Variants in FLNB observed in about 807,000 individuals in gnomAD.
The protein encoded by FLNB is filamin B.
Under a neutral mutation model 250.6 loss-of-function variants are expected in FLNB, and 111 were observed. The ratio of observed to expected loss-of-function variants is 0.44; its 90% CI spans 0.38 to 0.52. The LOEUF is 0.52. Ranked by LOEUF, FLNB falls within the 20% of genes least tolerant of loss-of-function variation. The pLI, the probability that FLNB is intolerant of heterozygous loss-of-function variation, is 0.00. For synonymous variants in FLNB, 1,302 were observed against 1,372.1 expected (o/e 0.95, Z 1.13); for missense variants, 2,869 against 3,447.8 (o/e 0.83, Z 4.20).
At chr3:58,039,066 C>T (rs2097142393) in intron 1 of FLNB, among the ~76,000 whole-genome samples, 2 of 146,752 alleles carry the variant, frequency 1.4e-5, no homozygotes, top group Admixed American at 6.8e-5. Context: ...CTCGCTCTGT[C>T]ACCCCGGCTG....
intron 1 of FLNB, among the ~76,000 whole-genome samples, chr3:58,075,208 TG>T (rs529877962): frequency 3.6e-4 from 55 of 152,132 alleles, no homozygotes; most frequent in African/African-American, 1.3e-3. Flanking sequence ...AGGTGGCTCT[TG>T]GTGGGTGGCT....
intron 19 of FLNB, among the ~76,000 whole-genome samples, chr3:58,119,304 C>T (rs961374584): frequency 6.6e-6 from 1 of 152,034 alleles, no homozygotes; most frequent in Non-Finnish European, 1.5e-5. Flanking sequence ...CGTAGTCAGC[C>T]CCCTGGCATT....
intron 2 of FLNB, chr3:58,078,507 A>C (rs757903126): frequency 6.5e-7 from 1 of 1,536,290 alleles, no homozygotes; most frequent in African/African-American, 1.4e-5. Context: ...TAGCACCCGG[A>C]GGAGAAGTCT....
chr3:58,103,857 T>G, intron 9 of FLNB, 102 bp from the exon 10 acceptor site: 1 of 1,402,044 alleles, frequency 7.1e-7, no homozygotes, highest in Non-Finnish European at 1.0e-6. Context: ...TTATGTATGG[T>G]TTATGTTTTG....
At chr3:58,074,083 T>A (rs1237517074) in intron 1 of FLNB, among the ~76,000 whole-genome samples, 1 of 152,108 alleles carries the variant, frequency 6.6e-6, no homozygotes, top group Admixed American at 6.6e-5. Context: ...TTCCCCACAC[T>A]CAGGAAGAAC....
chr3:58,096,075 C>A, intron 5 of FLNB, 66 bp from the exon 6 acceptor site: 1 of 1,282,518 alleles, frequency 7.8e-7, no homozygotes. Flanking sequence ...AGAACCCCTG[C>A]TGACACAGCA....
intron 1 of FLNB, among the ~76,000 whole-genome samples, chr3:58,075,663 C>T (rs768143742): frequency 1.3e-5 from 2 of 152,034 alleles, no homozygotes; most frequent in Non-Finnish European, 2.9e-5. Context: ...AACAGTGATT[C>T]GGCTTCAAGG....
intron 41 of FLNB, among the ~76,000 whole-genome samples, chr3:58,159,107 T>A (rs868669121): frequency 7.2e-5 from 11 of 152,214 alleles, no homozygotes; most frequent in Middle Eastern, 6.8e-3. Context: ...TTATAATATG[T>A]TCCTCCAGGT....
At chr3:58,031,640 C>CG (rs2097131284) in intron 1 of FLNB, among the ~76,000 whole-genome samples, 1 of 149,210 alleles carries the variant, frequency 6.7e-6, no homozygotes, top group Admixed American at 6.7e-5. Context: ...CAGCTTCCAC[C>CG]TCCCAGGCTC....
rs2107343520 is a variant in FLNB, at chr3:58,169,459, T to A, written c.7418-131T>A. On this transcript the variant is annotated intron_variant, in intron 44 of 45. Transcript: ENST00000295956. The surrounding 1 kb of genome is among the most constrained non-coding windows in gnomAD (Gnocchi z 4.8). ...AGACATTATGGGTGTGAGATACAGG[T>A]GTGGTGGCTTTTGTGTTGGGGTGCG... 2 of 747,164 alleles carry A rather than the reference T, an allele frequency of 2.7e-6. No individual in the cohort carries two copies. Among genetic ancestry groups the A allele is most frequent in the East Asian group, 5.0e-5 (2 of 40,208 alleles). 46.3% of individuals were successfully genotyped at this position (747,164 alleles called of 1,614,324 possible). A position where few individuals can be genotyped will look rare whatever the true frequency, so the allele number is the denominator to read the frequency against.
intron 4 of FLNB, among the ~76,000 whole-genome samples, chr3:58,092,990 G>A (rs839223): frequency 0.93 from 141,052 of 152,244 alleles, 65,490 homozygotes; most frequent in East Asian, 1. Flanking sequence ...TTAAGGGCTC[G>A]GTCCCTCAAA....
At chr3:58,083,177 A>C (rs2097211616) in intron 4 of FLNB, among the ~76,000 whole-genome samples, 1 of 150,792 alleles carries the variant, frequency 6.6e-6, no homozygotes. Context: ...ATTAAGGTTC[A>C]CTTACTACAT....
Position 58,123,151 on chromosome 3 carries a change from C to T in FLNB, c.3185C>T (p.Thr1062Ile), listed in dbSNP as rs199513147. The T allele has an allele frequency of 9.3e-5, 150 of 1,614,194 alleles. 1 individual carries two copies. The highest frequency in any genetic ancestry group is 4.2e-6 in the Non-Finnish European group (5 of 1,180,022). Reference sequence around the variant, plus strand: ...CTCGTGGGCAAGCCTGCCGAGTTCACCATCGATACCAAAGGAGCTGGTACT... The same window carrying T: ...CTCGTGGGCAAGCCTGCCGAGTTCATCATCGATACCAAAGGAGCTGGTACT... ...GGLVGKPAEFTIDTKGAGTGG... is the reference protein window; with the variant it reads ...GGLVGKPAEFIIDTKGAGTGG... Residue 1062 changes from threonine (T) to isoleucine (I), a missense_variant, in exon 21 of 46, where the codon ACC (threonine) becomes ATC (isoleucine). Physicochemically the swap from Thr to Ile is moderately conservative, Grantham distance 89. Around this residue, in one of 5 missense-constraint regions of FLNB, gnomAD observed 1,348 missense variants for 1,466.7 expected, o/e 0.92. Coordinates refer to ENST00000295956, the MANE Select transcript of FLNB (RefSeq NM_001457.4).
intron 1 of FLNB, among the ~76,000 whole-genome samples, chr3:58,056,109 T>TTTATTTA (rs1441050424): frequency 2.2e-3 from 272 of 125,940 alleles, no homozygotes; most frequent in African/African-American, 8.6e-3. Context: ...TTATTTATTT[T>TTTATTTA]TTTTTTTTTT....
At chr3:58,073,884 C>T (rs761880378) in intron 1 of FLNB, among the ~76,000 whole-genome samples, 22 of 152,338 alleles carry the variant, frequency 1.4e-4, no homozygotes, top group Non-Finnish European at 2.6e-4. Context: ...TTACAGGCTA[C>T]GCTCATATCT....
At chr3:58,126,489 G>T (rs766749797) in intron 23 of FLNB, 113 bp from the exon 24 acceptor site, 12 of 940,094 alleles carry the variant, frequency 1.3e-5, no homozygotes, top group Non-Finnish European at 1.7e-5. Flanking sequence ...TAGTAATTGA[G>T]TTGGGGTGGC....
At chr3:58,107,327 C>T (rs1210696757) in intron 12 of FLNB, among the ~76,000 whole-genome samples, 1 of 152,202 alleles carries the variant, frequency 6.6e-6, no homozygotes, top group African/African-American at 2.4e-5. Flanking sequence ...CCTCCACACC[C>T]AGCCCAGGCC....
Position 58,148,344 on chromosome 3 carries a change from G to C in FLNB, c.5867G>C (p.Arg1956Thr), listed in dbSNP as rs1559729631. 1.9e-6 allele frequency: 3 copies of C among 1,613,850 alleles called. No individual in the cohort carries two copies. Among genetic ancestry groups the C allele is most frequent in the Non-Finnish European group, 2.5e-6 (3 of 1,179,930 alleles). Reference sequence around the variant, plus strand: ...CGAGACGAGCCCTGTCTCCTGAAGAGGCTGCCCAACAACCACATTGGTGAG... The same window carrying C: ...CGAGACGAGCCCTGTCTCCTGAAGACGCTGCCCAACAACCACATTGGTGAG... Reference protein sequence around the residue: ...SGRDEPCLLKRLPNNHIGISF... With the variant: ...SGRDEPCLLKTLPNNHIGISF... Residue 1956 changes from arginine to threonine, a missense_variant, in exon 35 of 46, where the codon AGG (arginine) becomes ACG (threonine). Arg to Thr is a moderately conservative substitution (Grantham distance 71). Around this residue, in one of 5 missense-constraint regions of FLNB, gnomAD observed 1,084 missense variants for 1,315.5 expected, o/e 0.82. Coordinates refer to ENST00000295956, the MANE Select transcript of FLNB (RefSeq NM_001457.4).
chr3:58,143,306 GA>G (rs1268273802), intron 31 of FLNB, among the ~76,000 whole-genome samples, 166 bp from the exon 32 acceptor site: 1 of 151,140 alleles, frequency 6.6e-6, no homozygotes, highest in Non-Finnish European at 1.5e-5. Context: ...AAAAAAAAAA[GA>G]AAAGAGCAAA....
Sources: gnomAD v4.1 joint callset for allele counts (sites outside exome capture counted in the v4.1 genomes callset) on GRCh38, gnomAD v4.1.1 for gene constraint, gnomAD v4.1.1 regional missense constraint, Gnocchi (gnomAD v3.1) non-coding constraint, MANE v1.5 for transcripts, NCBI Gene and HGNC (gene_info 2026-07-23, HGNC 2026-07-21) for gene names.